NDE1: variants seen among roughly 807,000 people sequenced by gnomAD.
NDE1 encodes the protein nudE neurodevelopment protein 1, also known as nuclear distribution protein nudE homolog 1.
Under a neutral mutation model 43.4 loss-of-function variants are expected in NDE1, and 28 were observed. The ratio of observed to expected loss-of-function variants is 0.65; its 90% CI spans 0.48 to 0.89. The LOEUF is 0.89. NDE1 is among the 40% of genes least tolerant of loss of function. The probability of loss-of-function intolerance (pLI) is 0.00; values close to 1 mark genes in which losing one functional copy is unlikely to be tolerated. For synonymous variants in NDE1, 184 were observed against 172.0 expected, an observed-to-expected ratio of 1.07 and a Z score of -0.55; for missense variants, 441 against 434.1, an observed-to-expected ratio of 1.02 and a Z score of -0.14.
chr16:15,687,069 A>G (rs567159920), intron 4 of NDE1: 2 of 1,247,872 alleles, frequency 1.6e-6, no homozygotes, highest in East Asian at 4.4e-5. Context: ...GGTCTTCTCA[A>G]ACCACCAAAT....
In NDE1 at chr16:15,682,052, A is replaced by G. The variant is rs543122521; in HGVS notation, c.386+4103A>G. Among the ~76,000 whole-genome samples the G allele has an allele frequency of 6.6e-5, 10 of 152,062 alleles. No homozygotes were observed. The South Asian group carries it at 1.7e-3, about 25-fold the overall frequency. ...TATTTTTGTTTTTTCTTTCTTTTCT[A>G]TTTTTATTTTTGTACTAAACGTGCA... On this transcript the variant is annotated intron_variant, in intron 4 of 8. Coordinates refer to ENST00000396354, the MANE Select transcript of NDE1 (RefSeq NM_017668.3).
intron 5 of NDE1, among the ~76,000 whole-genome samples, chr16:15,690,862 C>T (rs775666803): frequency 7.2e-5 from 11 of 152,060 alleles, no homozygotes; most frequent in Non-Finnish European, 1.5e-4. Flanking sequence ...GACTGGAGTG[C>T]GCTGGAGCAA....
chr16:15,695,731 T>C (rs1215888020), intron 7 of NDE1: 8 of 984,058 alleles, frequency 8.1e-6, no homozygotes, highest in Middle Eastern at 5.2e-4. Flanking sequence ...TCATTTCTTT[T>C]GTTTTTACTT....
At chr16:15,663,473 C>T (rs953625002) in intron 1 of NDE1, among the ~76,000 whole-genome samples, 5 of 151,622 alleles carry the variant, frequency 3.3e-5, no homozygotes, top group Non-Finnish European at 7.4e-5. Flanking sequence ...CGAACTCCTG[C>T]CCTCGTGATC....
Position 15,725,725 on chromosome 16 carries a change from T to C in NDE1, c.*1474T>C. On this transcript the variant is annotated 3_prime_UTR_variant, in exon 9 of 9. Transcript: ENST00000396354. ...GCCCCTTGGTCCCTGGCTGTGGACA[T>C]GTTAAACATTTGTGAAAACTTTGGC... 1 of 398,802 alleles carries C rather than the reference T, an allele frequency of 2.5e-6. No homozygotes were observed. The highest frequency in any genetic ancestry group is 4.4e-6 in the Non-Finnish European group (1 of 226,194). The allele number at this position is 398,802 out of a possible 1,614,324, so 24.7% of individuals were successfully genotyped here.
At chr16:15,686,407 A>G (rs1426074703) in intron 4 of NDE1, 1 of 985,208 alleles carries the variant, frequency 1.0e-6, no homozygotes, top group Non-Finnish European at 1.2e-6. Context: ...CAGTGCCTTT[A>G]CCACAGTGTT....
intron 1 of NDE1, among the ~76,000 whole-genome samples, chr16:15,657,853 C>A (rs763312211): frequency 6.6e-6 from 1 of 151,944 alleles, no homozygotes; most frequent in East Asian, 1.9e-4. Flanking sequence ...CTGTCTGCCT[C>A]GGCCTCACAA....
At chr16:15,718,189 C>T in intron 8 of NDE1, 2 of 1,497,046 alleles carry the variant, frequency 1.3e-6, no homozygotes, top group South Asian at 1.1e-5. Flanking sequence ...TCAGGCCCCA[C>T]CACCCTCTTG....
At chr16:15,685,711 A>G (rs1481616655) in intron 4 of NDE1, among the ~76,000 whole-genome samples, 1 of 152,142 alleles carries the variant, frequency 6.6e-6, no homozygotes, top group Non-Finnish European at 1.5e-5. Context: ...TAATTTGGTG[A>G]TTGAAGGAAC....
chr16:15,715,326 G>C (rs1306698518), intron 8 of NDE1: 14 of 1,569,668 alleles, frequency 8.9e-6, no homozygotes, highest in Non-Finnish European at 1.2e-5. Flanking sequence ...ACCCCTTGTA[G>C]CTGGTGTGTC....
At position 15,719,771 on chromosome 16, in the gene NDE1, G is replaced by T. The variant is rs553955159; in HGVS notation, c.948-4420G>T. The T allele has an allele frequency of 1.3e-4, 204 of 1,610,982 alleles. 4 individuals carry two copies. The South Asian group carries it at 2.2e-3, about 17-fold the overall frequency. The stretch of plus-strand genomic sequence containing the variant: ...TGTCCTTACTCCCCCAAGTTCTGCT[G>T]CCCAGTTCAGCTTTGCACACCCACC... On this transcript the variant is annotated intron_variant, in intron 8 of 8. Transcript: ENST00000396354.
intron 2 of NDE1, among the ~76,000 whole-genome samples, chr16:15,666,641 G>A (rs2037323468): frequency 6.6e-6 from 1 of 151,924 alleles, no homozygotes; most frequent in African/African-American, 2.4e-5. Context: ...TTAGAGTCAG[G>A]GTCTCACTCT....
At position 15,667,630 on chromosome 16, in the gene NDE1, T is replaced by G. The variant is rs540421421; in HGVS notation, c.237+191T>G. Among the ~76,000 whole-genome samples the G allele has an allele frequency of 1.1e-3, 162 of 142,810 alleles. 2 individuals are homozygous for G. Among genetic ancestry groups the G allele is most frequent in the African/African-American group, 3.8e-3 (147 of 38,490 alleles). 93.7% of individuals were successfully genotyped at this position (142,810 alleles called of 152,430 possible). On this transcript the variant is annotated intron_variant, in intron 3 of 8. Coordinates refer to ENST00000396354, the MANE Select transcript of NDE1 (RefSeq NM_017668.3). The stretch of plus-strand genomic sequence containing the variant: ...CCTCTAGTGGGTGGTGCTTTTTGTT[T>G]TGTTTTTTTTTTTTTTTTGAGATGG...
rs1197654512 is a variant in NDE1 at position 15,667,403 on chromosome 16, A to C, written c.201A>C (p.Glu67Asp). ...IETRNRDLLS[E>D]NNRLRMELET... ...CCAGGAACAGAGACCTCCTGTCCGA[A>C]AATAACCGCCTTCGCATGGAGCTGG... is the stretch of plus-strand genomic sequence containing the variant. Residue 67 changes from glutamate (E) to aspartate (D), a missense_variant, in exon 3 of 9, where the codon GAA becomes GAC. Glu to Asp is a conservative substitution (Grantham distance 45). Coordinates refer to ENST00000396354, the MANE Select transcript of NDE1 (RefSeq NM_017668.3). The C allele has an allele frequency of 2.5e-6, 4 of 1,613,932 alleles. No homozygotes were observed.
rs113462408 is a variant in NDE1, at chr16:15,721,191, A to G, written c.948-3000A>G. ...GGATGCATGGCCGGGACTCAAGATG[A>G]CCCCTGAGAGTTCAGACCCCAGCCT... On this transcript the variant is annotated intron_variant, in intron 8 of 8. Transcript: ENST00000396354. 2.5e-3 allele frequency: 2,570 copies of G among 1,026,844 alleles called. 52 individuals carry two copies. In the African/African-American group the frequency reaches 0.035, roughly 14 times the overall value. The allele number at this position is 1,026,844 out of a possible 1,614,324, so 63.6% of individuals were successfully genotyped here.
At chr16:15,710,812 G>T (rs917720447) in intron 8 of NDE1, among the ~76,000 whole-genome samples, 1 of 152,052 alleles carries the variant, frequency 6.6e-6, no homozygotes, top group Non-Finnish European at 1.5e-5. Context: ...CGAGTAGCTG[G>T]GATTACAGGC....
chr16:15,649,462 G>A (rs2036400079), upstream of NDE1: 4 of 152,282 alleles, frequency 2.6e-5, no homozygotes, highest in Admixed American at 2.6e-4. Context: ...GAGTAGCTGG[G>A]ATTACAGGTG....
intron 1 of NDE1, among the ~76,000 whole-genome samples, chr16:15,661,542 C>G (rs975208434): frequency 2.6e-5 from 4 of 151,970 alleles, no homozygotes; most frequent in Non-Finnish European, 4.4e-5. Flanking sequence ...TCACTGCAGC[C>G]TCGACCTCTC....
intron 7 of NDE1, chr16:15,695,802 T>A: frequency 2.7e-6 from 2 of 752,610 alleles, no homozygotes; most frequent in Non-Finnish European, 3.2e-6. Context: ...GTATTTAGCC[T>A]AGTTGGAGTA....
Sources: gnomAD v4.1 joint callset for allele counts (sites outside exome capture counted in the v4.1 genomes callset) on GRCh38, gnomAD v4.1.1 for gene constraint, MANE v1.5 for transcripts, NCBI Gene and HGNC (gene_info 2026-07-23, HGNC 2026-07-21) for gene names.